LARP1: variants seen among roughly 807,000 people sequenced by gnomAD.
The protein encoded by LARP1 is La ribonucleoprotein 1, translational regulator, also known as la-related protein 1.
A neutral mutation model predicts 122.7 loss-of-function variants in LARP1; 36 were observed. That is an observed-to-expected ratio of 0.29 (90% CI 0.22 to 0.39). The LOEUF (loss-of-function observed/expected upper bound fraction) is 0.39, where lower values mean the gene tolerates loss of function less well. Ranked by LOEUF, LARP1 falls within the 10% of genes least tolerant of loss-of-function variation. The probability of loss-of-function intolerance (pLI) is 1.00; values close to 1 mark genes in which losing one functional copy is unlikely to be tolerated. For missense variants in LARP1, 1,040 were observed against 1,403.6 expected, an observed-to-expected ratio of 0.74 and a Z score of 4.14; for synonymous variants, 539 against 528.7, an observed-to-expected ratio of 1.02 and a Z score of -0.27.
intron 1 of LARP1, among the ~76,000 whole-genome samples, chr5:154,768,743 G>A (rs974721233): frequency 6.6e-6 from 1 of 151,958 alleles, no homozygotes; most frequent in Non-Finnish European, 1.5e-5. Context: ...CACCATGCCC[G>A]GCTAATTTTT....
At chr5:154,707,719 T>C (rs1755018513) in intron 1 of LARP1, among the ~76,000 whole-genome samples, 1 of 152,176 alleles carries the variant, frequency 6.6e-6, no homozygotes, top group South Asian at 2.1e-4. Flanking sequence ...TTGTAATATG[T>C]TCAATTTTCT....
At chr5:154,728,651 G>A (rs1198340162) in intron 1 of LARP1, among the ~76,000 whole-genome samples, 4 of 152,168 alleles carry the variant, frequency 2.6e-5, no homozygotes, top group Non-Finnish European at 4.4e-5. Flanking sequence ...AAAGCACACA[G>A]TACTTTGAAT....
intron 16 of LARP1, among the ~76,000 whole-genome samples, chr5:154,809,584 A>G (rs1467683322): frequency 6.6e-6 from 1 of 152,016 alleles, no homozygotes; most frequent in Non-Finnish European, 1.5e-5. Context: ...CTTGTTTACA[A>G]AAATGGACTC....
At chr5:154,790,469 C>A in intron 2 of LARP1, 83 bp downstream of exon 2, 1 of 1,368,990 alleles carries the variant, frequency 7.3e-7, no homozygotes, top group South Asian at 1.2e-5. Flanking sequence ...TCCTGGACTG[C>A]CAACTAGTTC....
At chr5:154,731,966 G>A (rs1217959120) in intron 1 of LARP1, among the ~76,000 whole-genome samples, 1 of 151,254 alleles carries the variant, frequency 6.6e-6, no homozygotes, top group Admixed American at 6.6e-5. Context: ...AGGTTGCAGT[G>A]AGCCGAGATC....
chr5:154,711,589 G>A (rs753976991), upstream of LARP1, among the ~76,000 whole-genome samples: 6 of 152,102 alleles, frequency 3.9e-5, no homozygotes, highest in Admixed American at 6.6e-5. Context: ...CAAAGCTTCA[G>A]TTTCCTTGTC....
chr5:154,697,422 T>C (rs1194801250), intron 1 of LARP1, among the ~76,000 whole-genome samples: 3 of 152,050 alleles, frequency 2.0e-5, no homozygotes, highest in Non-Finnish European at 4.4e-5. Flanking sequence ...CCTTCAAAAG[T>C]GAAAGGAAGA....
In LARP1 at chr5:154,790,332, T is replaced by G; in HGVS notation, c.444T>G (p.Ser148=). ...TVNGQSPPEH[S]APAKVVRAAV... ...CCCTTCTTGTTCCCACAGAACACTC[T>G]GCTCCAGCCAAGGTGGTGAGGGCAG... The change falls in exon 2 of 19, where the codon TCT becomes TCG. Residue 148 remains serine, a synonymous_variant. Transcript: ENST00000518297. The G allele has an allele frequency of 6.2e-7, 1 of 1,613,558 alleles. No individual in the cohort carries two copies. The highest frequency in any genetic ancestry group is 8.5e-7 in the Non-Finnish European group (1 of 1,179,764).
At position 154,768,105 on chromosome 5, in the gene LARP1, G is replaced by A. The variant is rs928123898; in HGVS notation, c.436+11912G>A. 2.0e-5 allele frequency among the ~76,000 whole-genome samples: 3 copies of A among 152,300 alleles called. No individual in the cohort carries two copies. In the East Asian group the frequency reaches 5.8e-4, roughly 29 times the overall value. On this transcript the variant is annotated intron_variant, in intron 1 of 18. Transcript: ENST00000518297. ...AAAGCTCTGATGGCAGGTGAGAGAT[G>A]AAGGGTTAGTAGGTTTTGCCTGTAG... is the stretch of plus-strand genomic sequence containing the variant.
intron 1 of LARP1, among the ~76,000 whole-genome samples, chr5:154,738,408 A>G (rs1419895444): frequency 1.3e-5 from 2 of 152,300 alleles, no homozygotes; most frequent in South Asian, 2.1e-4. Context: ...CCTGGCCAAC[A>G]TGGCGAAACC....
intron 1 of LARP1, among the ~76,000 whole-genome samples, chr5:154,772,337 C>T (rs1363103523): frequency 2.6e-5 from 4 of 152,216 alleles, no homozygotes; most frequent in Non-Finnish European, 5.9e-5. Flanking sequence ...TTCAAGTGCT[C>T]AGTATCCACA....
intron 3 of LARP1, 46 bp downstream of exon 3, chr5:154,790,756 A>G (rs1308233656): frequency 6.6e-7 from 1 of 1,525,668 alleles, no homozygotes; most frequent in Non-Finnish European, 9.1e-7. Context: ...CTCTTGACAT[A>G]CACACATTTA....
At chr5:154,794,946 T>C (rs1404277201) in intron 7 of LARP1, among the ~76,000 whole-genome samples, 2 of 152,202 alleles carry the variant, frequency 1.3e-5, no homozygotes, top group Non-Finnish European at 2.9e-5. Flanking sequence ...TTGACAGGCA[T>C]GTCGAGGGGC....
At chr5:154,709,636 G>C (rs1304455787), upstream of LARP1, among the ~76,000 whole-genome samples, 5 of 121,222 alleles carry the variant, frequency 4.1e-5, no homozygotes, top group Non-Finnish European at 8.1e-5. Context: ...ACTCATTTTG[G>C]CTAGAGTTAG....
At chr5:154,793,752 G>C (rs780227710) in intron 5 of LARP1, 29 bp downstream of exon 5, 1 of 1,614,110 alleles carries the variant, frequency 6.2e-7, no homozygotes, top group South Asian at 1.1e-5. Flanking sequence ...GGAGGGCCTG[G>C]ACTTGGGAGA....
intron 4 of LARP1, 50 bp downstream of exon 4, chr5:154,792,846 G>A: frequency 6.3e-7 from 1 of 1,579,218 alleles, no homozygotes; most frequent in Non-Finnish European, 8.6e-7. Flanking sequence ...GTAGAACTGT[G>A]AAATGTCAGG....
chr5:154,698,422 C>T (rs1003713508), intron 1 of LARP1, among the ~76,000 whole-genome samples: 1 of 152,048 alleles, frequency 6.6e-6, no homozygotes, highest in Non-Finnish European at 1.5e-5. Flanking sequence ...CATGGTGAAA[C>T]ACTGTCTCTA....
chr5:154,694,109 T>G (rs1000905724), intron 1 of LARP1, among the ~76,000 whole-genome samples: 2 of 152,030 alleles, frequency 1.3e-5, no homozygotes, highest in African/African-American at 4.8e-5. Flanking sequence ...TAAAAGCCAA[T>G]GTTGTAAAAA....
intron 1 of LARP1, among the ~76,000 whole-genome samples, chr5:154,757,508 C>G (rs542160578): frequency 9.2e-5 from 14 of 151,842 alleles, no homozygotes; most frequent in African/African-American, 2.9e-4. Context: ...AATTGTCTTG[C>G]AGTTGGAATG....
Sources: gnomAD v4.1 joint callset for allele counts (sites outside exome capture counted in the v4.1 genomes callset) on GRCh38, gnomAD v4.1.1 for gene constraint, MANE v1.5 for transcripts, NCBI Gene and HGNC (gene_info 2026-07-23, HGNC 2026-07-21) for gene names.